BANF2: variants seen among roughly 807,000 people sequenced by gnomAD.
BANF2 encodes barrier-to-autointegration factor-like protein.
In BANF2, 4 loss-of-function variants were observed where a neutral mutation model predicts 8.0. That is an observed-to-expected ratio of 0.50 (90% CI 0.25 to 1.14). The LOEUF (loss-of-function observed/expected upper bound fraction) is 1.14. BANF2 is among the 50% of genes most tolerant of loss of function. BANF2 has a pLI of 0.16. For synonymous variants in BANF2, 50 were observed against 40.6 expected (o/e 1.23, Z -0.88); for missense variants, 96 against 107.5 (o/e 0.89, Z 0.47).
intron 1 of BANF2, among the ~76,000 whole-genome samples, chr20:17,694,281 A>T (rs1033544669): frequency 2.6e-5 from 4 of 152,132 alleles, no homozygotes; most frequent in Non-Finnish European, 5.9e-5. Context: ...GGAGGAGGCT[A>T]TTTTGGGATG....
At chr20:17,704,164 T>C (rs942669235) in intron 1 of BANF2, among the ~76,000 whole-genome samples, 1 of 152,210 alleles carries the variant, frequency 6.6e-6, no homozygotes, top group Non-Finnish European at 1.5e-5. Flanking sequence ...GGGGAAACTG[T>C]CCACTTCCTG....
intron 2 of BANF2, among the ~76,000 whole-genome samples, chr20:17,724,140 G>A (rs186237222): frequency 1.3e-5 from 2 of 152,322 alleles, no homozygotes; most frequent in African/African-American, 4.8e-5. Flanking sequence ...AGCTACCTCT[G>A]GCAGTCTTCA....
upstream of BANF2, among the ~76,000 whole-genome samples, chr20:17,695,152 A>T (rs1180545099): frequency 6.6e-6 from 1 of 152,056 alleles, no homozygotes; most frequent in Non-Finnish European, 1.5e-5. Flanking sequence ...AACATTTTTC[A>T]TTCTGTTATT....
intron 3 of BANF2, 26 bp downstream of exon 3, chr20:17,725,177 G>T (rs2037789337): frequency 2.5e-6 from 4 of 1,599,786 alleles, no homozygotes; most frequent in South Asian, 1.1e-5. Context: ...TTACTTCTCT[G>T]ACTTCTCTTC....
At chr20:17,706,704 C>T (rs1345775059) in intron 1 of BANF2, among the ~76,000 whole-genome samples, 1 of 152,212 alleles carries the variant, frequency 6.6e-6, no homozygotes, top group Non-Finnish European at 1.5e-5. Context: ...ACAAATCCAG[C>T]CAGGTGTGGC....
chr20:17,722,824 CA>C lies in BANF2; in HGVS notation c.-54del. 1.0e-6 allele frequency: 1 copy of C among 985,226 alleles called. No individual in the cohort carries two copies. Among genetic ancestry groups the C allele is most frequent in the Non-Finnish European group, 1.2e-6 (1 of 829,794 alleles). 61.0% of individuals were successfully genotyped at this position (985,226 alleles called of 1,614,324 possible). The stretch of plus-strand genomic sequence containing the variant: ...GAGTTCAGTGTCTTCTGAAATGTTA[CA>C]AAACGTCCTTCAGAGCAAGAAGGCG... On this transcript the variant is annotated 5_prime_UTR_variant, in exon 2 of 4. It removes the in-frame stop codon of an upstream open reading frame in the 5' UTR. Transcript: ENST00000246090.
At chr20:17,734,785 C>T (rs569922852) in intron 3 of BANF2, among the ~76,000 whole-genome samples, 13 of 152,264 alleles carry the variant, frequency 8.5e-5, no homozygotes, top group Admixed American at 3.9e-4. Context: ...TCAATAGTGC[C>T]GAGGTTTAGA....
intron 1 of BANF2, among the ~76,000 whole-genome samples, chr20:17,703,284 C>A (rs925736560): frequency 6.6e-6 from 1 of 152,188 alleles, no homozygotes; most frequent in Non-Finnish European, 1.5e-5. Context: ...TGTCTACTGC[C>A]CTATCCCTGG....
chr20:17,732,553 C>T (rs986324015), intron 3 of BANF2, among the ~76,000 whole-genome samples: 1 of 152,160 alleles, frequency 6.6e-6, no homozygotes, highest in Non-Finnish European at 1.5e-5. Flanking sequence ...GATGGGGTTT[C>T]ACTATGTTGG....
Position 17,733,684 on chromosome 20 carries a change from T to C in BANF2, c.127-1981T>C, listed in dbSNP as rs950546028. On this transcript the variant is annotated intron_variant, in intron 3 of 3. Transcript: ENST00000246090. ...ATGGGAGGATACTGATAAAGTAAAA[T>C]GAGATCACGCCAAGTAACTATATTG... Among the ~76,000 whole-genome samples, 11 of 152,218 alleles carry C rather than the reference T, an allele frequency of 7.2e-5. No individual in the cohort carries two copies. The South Asian group carries it at 1.4e-3, about 20-fold the overall frequency.
At chr20:17,697,757 A>T (rs1264527745), upstream of BANF2, among the ~76,000 whole-genome samples, 1 of 152,158 alleles carries the variant, frequency 6.6e-6, no homozygotes, top group Non-Finnish European at 1.5e-5. Flanking sequence ...TGGTTTGAAT[A>T]TTCGTCCCCT....
At chr20:17,694,175 G>A (rs141822296) in intron 1 of BANF2, among the ~76,000 whole-genome samples, 1 of 152,232 alleles carries the variant, frequency 6.6e-6, no homozygotes, top group African/African-American at 2.4e-5. Context: ...CCGATGCAAA[G>A]CCTCTCCACA....
upstream of BANF2, among the ~76,000 whole-genome samples, chr20:17,696,771 G>T (rs1452110186): frequency 2.6e-5 from 4 of 152,210 alleles, no homozygotes; most frequent in African/African-American, 9.6e-5. Flanking sequence ...TGTTGCTAAA[G>T]AAATGATTTG....
intron 1 of BANF2, among the ~76,000 whole-genome samples, chr20:17,703,786 G>C (rs1480208798): frequency 1.4e-5 from 2 of 143,184 alleles, no homozygotes; most frequent in Non-Finnish European, 3.0e-5. Flanking sequence ...CTGTTGCCCA[G>C]GCTGGAGTGC....
chr20:17,695,445 C>CAAAAA (rs71192401), upstream of BANF2, among the ~76,000 whole-genome samples: 61 of 51,332 alleles, frequency 1.2e-3, 1 homozygote, highest in South Asian at 2.9e-3. Context: ...GACCTTGTCT[C>CAAAAA]AAAAAAAAAA....
chr20:17,723,039 G>A (rs796501229), intron 2 of BANF2, among the ~76,000 whole-genome samples, 161 bp downstream of exon 2: 3 of 152,262 alleles, frequency 2.0e-5, no homozygotes, highest in African/African-American at 4.8e-5. Context: ...GCAGCCCTTC[G>A]GGGCTTCATG....
At chr20:17,727,333 C>T (rs375876464) in intron 3 of BANF2, among the ~76,000 whole-genome samples, 9 of 152,102 alleles carry the variant, frequency 5.9e-5, no homozygotes, top group East Asian at 1.9e-4. Context: ...CGCCCACACC[C>T]GTGATTGAGA....
intron 3 of BANF2, among the ~76,000 whole-genome samples, chr20:17,726,924 C>G (rs772433333): frequency 6.6e-6 from 1 of 152,232 alleles, no homozygotes; most frequent in Non-Finnish European, 1.5e-5. Flanking sequence ...CTACCATAGT[C>G]AAGACACAGA....
chr20:17,722,584 A>T (rs2037747822), intron 1 of BANF2, 132 bp from the exon 2 acceptor site: 1 of 304,652 alleles, frequency 3.3e-6, no homozygotes. Flanking sequence ...ATATTTTCAC[A>T]GATGAAGAGT....
Sources: gnomAD v4.1 joint callset for allele counts (sites outside exome capture counted in the v4.1 genomes callset) on GRCh38, gnomAD v4.1.1 for gene constraint, MANE v1.5 for transcripts, NCBI Gene and HGNC (gene_info 2026-07-23, HGNC 2026-07-21) for gene names.